CSNK1G1: variants seen among roughly 807,000 people sequenced by gnomAD.
The protein encoded by CSNK1G1 is casein kinase I isoform gamma-1.
In CSNK1G1, 22 loss-of-function variants were observed where a neutral mutation model predicts 59.6. The ratio of observed to expected loss-of-function variants is 0.37; its 90% CI spans 0.26 to 0.53. The LOEUF (loss-of-function observed/expected upper bound fraction) is 0.53, where lower values mean the gene tolerates loss of function less well. Among genes scored for constraint, CSNK1G1 ranks in the 20% least tolerant of loss-of-function variants. CSNK1G1 has a pLI of 0.89. For synonymous variants in CSNK1G1, 179 were observed against 177.1 expected (o/e 1.01, Z -0.08); for missense variants, 384 against 519.5 (o/e 0.74, Z 2.54).
chr15:64,210,744 T>TC lies in CSNK1G1; in HGVS notation c.679+3145dup, dbSNP rs1205095496. 6.6e-6 allele frequency among the ~76,000 whole-genome samples: 1 copy of TC among 152,182 alleles called. No individual in the cohort carries two copies. The highest frequency in any genetic ancestry group is 1.5e-5 in the Non-Finnish European group (1 of 68,030). ...ATCAGTGGGAAGGTGGCTACTATGG[T>TC]CTGGATTTCTGTCCTTCCCCCGGAC... On this transcript the variant is annotated intron_variant, in intron 6 of 11. Coordinates refer to ENST00000303052, the MANE Select transcript of CSNK1G1 (RefSeq NM_022048.5). This position sits in a 1 kb window ranked among gnomAD's most constrained non-coding sequence, Gnocchi z 4.2.
intron 11 of CSNK1G1, among the ~76,000 whole-genome samples, chr15:64,175,677 TAAAC>T (rs916191434): frequency 1.4e-4 from 21 of 151,862 alleles, no homozygotes; most frequent in African/African-American, 5.1e-4. Flanking sequence ...AAAAAGACAA[TAAAC>T]AAAAACAAAA....
At chr15:64,252,691 AT>A (rs1403895659) in intron 3 of CSNK1G1, among the ~76,000 whole-genome samples, 1 of 152,212 alleles carries the variant, frequency 6.6e-6, no homozygotes, top group Non-Finnish European at 1.5e-5. Context: ...AGAATTAAAG[AT>A]TGTAAATGCA....
intron 4 of CSNK1G1, among the ~76,000 whole-genome samples, chr15:64,245,041 T>C (rs1348724029): frequency 6.6e-6 from 1 of 152,036 alleles, no homozygotes; most frequent in Non-Finnish European, 1.5e-5. Flanking sequence ...AGGGAAAGGA[T>C]GGTCTGTTTA....
chr15:64,204,289 C>T (rs2082148189), intron 9 of CSNK1G1, 152 bp downstream of exon 9: 1 of 575,938 alleles, frequency 1.7e-6, no homozygotes, highest in African/African-American at 1.9e-5. Flanking sequence ...ATGGCAACAC[C>T]CAGACAAGGC....
chr15:64,253,129 G>C (rs562410237), intron 3 of CSNK1G1, among the ~76,000 whole-genome samples: 78 of 152,288 alleles, frequency 5.1e-4, no homozygotes, highest in Non-Finnish European at 9.4e-4. Flanking sequence ...AGAACTGTTT[G>C]AGCCCAGGGG....
At chr15:64,238,510 A>AT (rs1164548523) in intron 4 of CSNK1G1, among the ~76,000 whole-genome samples, 2 of 116,264 alleles carry the variant, frequency 1.7e-5, no homozygotes, top group Admixed American at 8.5e-5. Context: ...AAAAAAAAAA[A>AT]AAAAAAAAAT....
At chr15:64,348,509 T>C (rs1024596252) in intron 1 of CSNK1G1, 3 of 152,152 alleles carry the variant, frequency 2.0e-5, no homozygotes, top group Admixed American at 6.5e-5. Context: ...CAATAGGGCA[T>C]ACACAATCTC....
intron 6 of CSNK1G1, among the ~76,000 whole-genome samples, chr15:64,212,621 A>G (rs912042484): frequency 5.9e-5 from 9 of 152,202 alleles, no homozygotes; most frequent in African/African-American, 2.2e-4. Context: ...GCTGAGAAAG[A>G]TCTCTCCAGC....
intron 1 of CSNK1G1, among the ~76,000 whole-genome samples, chr15:64,347,702 T>C (rs901404015): frequency 7.9e-5 from 12 of 151,410 alleles, no homozygotes; most frequent in Non-Finnish European, 1.6e-4. Flanking sequence ...AAATGAGCTA[T>C]GAAGCCACAA....
chr15:64,354,349 C>A (rs1313802420), intron 1 of CSNK1G1, among the ~76,000 whole-genome samples: 6 of 152,244 alleles, frequency 3.9e-5, no homozygotes, highest in Middle Eastern at 3.4e-3. Flanking sequence ...TTCTATTTTA[C>A]ACCCCAATTT....
At chr15:64,202,499 T>G (rs2082121223) in intron 10 of CSNK1G1, among the ~76,000 whole-genome samples, 1 of 151,724 alleles carries the variant, frequency 6.6e-6, no homozygotes, top group Non-Finnish European at 1.5e-5. Context: ...TGATCCTAAC[T>G]TATAGCTAGT....
At chr15:64,248,751 G>A (rs1174986588) in intron 4 of CSNK1G1, among the ~76,000 whole-genome samples, 8 of 152,112 alleles carry the variant, frequency 5.3e-5, no homozygotes, top group Non-Finnish European at 7.4e-5. Context: ...TAGAGAGGGC[G>A]AGGCAGGCAG....
At chr15:64,222,292 G>A (rs2140277397) in intron 4 of CSNK1G1, among the ~76,000 whole-genome samples, 1 of 149,792 alleles carries the variant, frequency 6.7e-6, no homozygotes, top group East Asian at 2.0e-4. Flanking sequence ...GGGGGGTCGG[G>A]GGAGGGAACT....
chr15:64,333,433 CAAAAAAAAAAAA>C (rs59451869), intron 1 of CSNK1G1, among the ~76,000 whole-genome samples: 10 of 23,086 alleles, frequency 4.3e-4, no homozygotes, highest in South Asian at 4.1e-3. Flanking sequence ...GACACCATCT[CAAAAAAAAAAAA>C]AAAAAAAAAA....
intron 2 of CSNK1G1, among the ~76,000 whole-genome samples, chr15:64,294,112 T>A (rs1894885212): frequency 6.6e-6 from 1 of 152,100 alleles, no homozygotes; most frequent in Non-Finnish European, 1.5e-5. Context: ...TCACTCTGTC[T>A]CCCAGGCTGG....
intron 11 of CSNK1G1, among the ~76,000 whole-genome samples, chr15:64,175,536 C>T (rs192852623): frequency 9.2e-5 from 14 of 152,294 alleles, no homozygotes; most frequent in Admixed American, 5.2e-4. Context: ...AGGGCTTCTC[C>T]TTCCATAAAC....
chr15:64,180,388 T>C lies in CSNK1G1; in HGVS notation c.1174A>G (p.Ile392Val), dbSNP rs763386139. 2 of 1,614,110 alleles carry C rather than the reference T, an allele frequency of 1.2e-6. No homozygotes were observed. ...DPTGAHSNAP[I>V]TAHAEVEVVE... ...ACCTCCACCTCGGCATGAGCTGTGA[T>C]TGGTGCATTGGAGTGGGCTCCCGTG... The change falls in exon 11 of 12, where the codon ATC becomes GTC. Residue 392 changes from isoleucine to valine, a missense_variant. This residue lies in a region of CSNK1G1 where 325 missense variants were observed against 440.9 expected (regional missense o/e 0.74). Transcript: ENST00000303052.
rs529835651 is a variant in CSNK1G1 at position 64,252,351 on chromosome 15, C to G, written c.223-770G>C. Among the ~76,000 whole-genome samples the G allele has an allele frequency of 2.0e-5, 3 of 151,970 alleles. No individual in the cohort carries two copies. In the South Asian group the frequency reaches 6.2e-4, roughly 32 times the overall value. ...TTAGCCTCCCGAGTGGCTGGGACCA[C>G]AAGTGTGTGCCACCACTCACAGCTA... On this transcript the variant is annotated intron_variant, in intron 3 of 11. Coordinates refer to ENST00000303052, the MANE Select transcript of CSNK1G1 (RefSeq NM_022048.5).
intron 4 of CSNK1G1, among the ~76,000 whole-genome samples, chr15:64,217,815 C>CA (rs756842772): frequency 0.1 from 8,554 of 85,538 alleles, 293 homozygotes; most frequent in African/African-American, 0.13. Flanking sequence ...GACTCCATCT[C>CA]AAAAAAAAAA....
Sources: gnomAD v4.1 joint callset for allele counts (sites outside exome capture counted in the v4.1 genomes callset) on GRCh38, gnomAD v4.1.1 for gene constraint, gnomAD v4.1.1 regional missense constraint, Gnocchi (gnomAD v3.1) non-coding constraint, MANE v1.5 for transcripts, NCBI Gene and HGNC (gene_info 2026-07-23, HGNC 2026-07-21) for gene names.